The following ZRANB3 variants were observed in gnomAD, a reference collection of about 807,000 sequenced individuals.
The protein encoded by ZRANB3 is zinc finger RANBP2-type containing 3.
A neutral mutation model predicts 133.8 loss-of-function variants in ZRANB3; 125 were observed. That is an observed-to-expected ratio of 0.93 (90% CI 0.81 to 1.08). ZRANB3 has a LOEUF of 1.08. Among genes scored for constraint, ZRANB3 ranks in the 50% least tolerant of loss-of-function variants. The pLI is 0.00. For missense variants in ZRANB3, 1,229 were observed against 1,275.5 expected, an observed-to-expected ratio of 0.96 and a Z score of 0.56; for synonymous variants, 387 against 432.7, an observed-to-expected ratio of 0.89 and a Z score of 1.31.
intron 6 of ZRANB3, among the ~76,000 whole-genome samples, chr2:135,335,045 C>T (rs1303982767): frequency 6.6e-6 from 1 of 152,134 alleles, no homozygotes; most frequent in East Asian, 1.9e-4. Flanking sequence ...AGGTATTAAG[C>T]CCCGTATGCA....
At chr2:135,521,771 G>A (rs532263547) in intron 1 of ZRANB3, among the ~76,000 whole-genome samples, 1 of 152,288 alleles carries the variant, frequency 6.6e-6, no homozygotes, top group African/African-American at 2.4e-5. Flanking sequence ...CTTCACTTGT[G>A]AGAAAAAATG....
chr2:135,208,758 G>A, intron 18 of ZRANB3, 110 bp downstream of exon 18: 1 of 880,554 alleles, frequency 1.1e-6, no homozygotes, highest in East Asian at 2.7e-5. Context: ...AAAGTTCTTT[G>A]TAACCTCTAA....
At chr2:135,310,976 A>G (rs1401540777) in intron 8 of ZRANB3, among the ~76,000 whole-genome samples, 1 of 151,896 alleles carries the variant, frequency 6.6e-6, no homozygotes, top group Non-Finnish European at 1.5e-5. Flanking sequence ...AAAAAAAGGA[A>G]GAAAAAAATT....
At chr2:135,279,471 A>C (rs1318404120) in intron 8 of ZRANB3, among the ~76,000 whole-genome samples, 2 of 152,228 alleles carry the variant, frequency 1.3e-5, no homozygotes, top group African/African-American at 4.8e-5. Flanking sequence ...CACTTTAATA[A>C]AGTGCATATT....
At chr2:135,335,418 G>A (rs182044964) in intron 6 of ZRANB3, among the ~76,000 whole-genome samples, 142 of 152,158 alleles carry the variant, frequency 9.3e-4, no homozygotes, top group Non-Finnish European at 1.7e-3. Flanking sequence ...GAGGCTGGGC[G>A]CTGTGCCTCA....
At chr2:135,374,730 G>A (rs948379828) in intron 3 of ZRANB3, among the ~76,000 whole-genome samples, 1 of 152,044 alleles carries the variant, frequency 6.6e-6, no homozygotes, top group Non-Finnish European at 1.5e-5. Flanking sequence ...TCAAACTCTT[G>A]ACCTCAGGTG....
intron 3 of ZRANB3, among the ~76,000 whole-genome samples, chr2:135,374,800 C>A (rs1489040625): frequency 1.3e-5 from 2 of 152,078 alleles, no homozygotes; most frequent in South Asian, 4.2e-4. Flanking sequence ...CCGTGCCCGA[C>A]CTAAAACATA....
At chr2:135,426,946 G>A (rs1239427955) in intron 2 of ZRANB3, among the ~76,000 whole-genome samples, 7 of 99,924 alleles carry the variant, frequency 7.0e-5, no homozygotes, top group African/African-American at 1.1e-4. Flanking sequence ...CCACATCAAC[G>A]GAACTAAAAA....
intron 8 of ZRANB3, among the ~76,000 whole-genome samples, chr2:135,291,498 T>A (rs1455138503): frequency 2.0e-5 from 3 of 152,148 alleles, no homozygotes; most frequent in African/African-American, 7.2e-5. Context: ...TAATTATTCT[T>A]AGGTTTGGTT....
At chr2:135,327,798 C>T (rs1683910037) in intron 6 of ZRANB3, among the ~76,000 whole-genome samples, 1 of 151,992 alleles carries the variant, frequency 6.6e-6, no homozygotes, top group African/African-American at 2.4e-5. Flanking sequence ...GATAATACAT[C>T]TAAAACACAT....
chr2:135,525,848 C>CAAAAAAAAAAAAAA (rs557386914), intron 1 of ZRANB3, among the ~76,000 whole-genome samples: 1 of 67,062 alleles, frequency 1.5e-5, no homozygotes, highest in Non-Finnish European at 3.5e-5. Flanking sequence ...AACTCTGTCT[C>CAAAAAAAAAAAAAA]AAAAAAAAAA....
intron 12 of ZRANB3, among the ~76,000 whole-genome samples, chr2:135,237,992 G>T (rs991376096): frequency 6.6e-6 from 1 of 152,152 alleles, no homozygotes. Context: ...TTCTTTAGTA[G>T]ACACATTTTA....
rs374873683 is a variant in ZRANB3, at chr2:135,318,052, C to T, written c.678-2522G>A. ...AAATTTGCTGAATTTGAAGAATTTG[C>T]CCAACATCTCATGGATGGTAATAGT... On this transcript the variant is annotated intron_variant, in intron 6 of 20. Coordinates refer to ENST00000264159, the MANE Select transcript of ZRANB3 (RefSeq NM_032143.4). 1.4e-4 allele frequency among the ~76,000 whole-genome samples: 21 copies of T among 152,150 alleles called. 1 individual carries two copies. The East Asian group carries it at 3.7e-3, about 27-fold the overall frequency.
At chr2:135,293,467 G>C (rs1238329888) in intron 8 of ZRANB3, among the ~76,000 whole-genome samples, 2 of 152,146 alleles carry the variant, frequency 1.3e-5, no homozygotes, top group Admixed American at 6.6e-5. Context: ...CTTTGCTGAA[G>C]TTGCCTATCA....
At chr2:135,526,766 A>G (rs953813056) in intron 1 of ZRANB3, among the ~76,000 whole-genome samples, 1 of 152,134 alleles carries the variant, frequency 6.6e-6, no homozygotes, top group South Asian at 2.1e-4. Context: ...ATCAACTAAG[A>G]GCCAGATACC....
chr2:135,373,800 AGAGGG>A (rs140153444), intron 3 of ZRANB3, among the ~76,000 whole-genome samples: 1 of 14,164 alleles, frequency 7.1e-5, no homozygotes, highest in Non-Finnish European at 1.6e-4. Context: ...AAGAAAAGAA[AGAGGG>A]GAGGGGAGGG....
chr2:135,330,420 G>A (rs1684079080), intron 6 of ZRANB3, among the ~76,000 whole-genome samples: 1 of 152,142 alleles, frequency 6.6e-6, no homozygotes, highest in African/African-American at 2.4e-5. Context: ...TGATCGTGGT[G>A]GATAAGCTCT....
chr2:135,526,157 AT>A (rs993714638), intron 1 of ZRANB3, among the ~76,000 whole-genome samples: 3,039 of 108,144 alleles, frequency 0.028, 37 homozygotes, highest in African/African-American at 0.11. Flanking sequence ...CTAAGCTATG[AT>A]TTTTTTTTTT....
chr2:135,429,797 T>C (rs1238627528), intron 2 of ZRANB3, among the ~76,000 whole-genome samples: 1 of 152,160 alleles, frequency 6.6e-6, no homozygotes, highest in Non-Finnish European at 1.5e-5. Context: ...GAAAACTATA[T>C]AGTTACTGAC....
Sources: allele counts gnomAD v4.1 joint callset (sites outside exome capture counted in the v4.1 genomes callset), GRCh38; gene constraint gnomAD v4.1.1; transcripts MANE v1.5; gene names NCBI Gene and HGNC (gene_info 2026-07-23, HGNC 2026-07-21).